Variants in UXS1 observed in about 807,000 individuals in gnomAD.
UXS1 encodes UDP-glucuronic acid decarboxylase 1.
UXS1 carries 33 observed loss-of-function variants against 62.6 expected under a neutral mutation model. That is an observed-to-expected ratio of 0.53 (90% CI 0.40 to 0.70). The LOEUF (loss-of-function observed/expected upper bound fraction) is 0.70, where lower values mean the gene tolerates loss of function less well. UXS1 is among the 30% of genes least tolerant of loss of function. The pLI, the probability that UXS1 is intolerant of heterozygous loss-of-function variation, is 0.00. For synonymous variants in UXS1, 213 were observed against 206.8 expected (o/e 1.03, Z -0.26); for missense variants, 434 against 556.3 (o/e 0.78, Z 2.21).
chr2:106,166,674 C>G (rs1254713861), intron 1 of UXS1, among the ~76,000 whole-genome samples: 1 of 142,560 alleles, frequency 7.0e-6, no homozygotes, highest in Non-Finnish European at 1.5e-5. Flanking sequence ...CTTTTGGGGT[C>G]TAGAGTTGGA....
intron 9 of UXS1, among the ~76,000 whole-genome samples, chr2:106,120,838 AG>A (rs1679464099): frequency 1.3e-5 from 2 of 152,242 alleles, no homozygotes; most frequent in Non-Finnish European, 2.9e-5. Context: ...GTGACTCCAT[AG>A]AAGGCGTATC....
At chr2:106,098,635 A>T in intron 13 of UXS1, 81 bp downstream of exon 13, 1 of 1,152,336 alleles carries the variant, frequency 8.7e-7, no homozygotes, top group Non-Finnish European at 1.3e-6. Context: ...TGTATTAATT[A>T]CCCACTTTCT....
chr2:106,124,191 A>T (rs1679745285), intron 8 of UXS1, among the ~76,000 whole-genome samples: 1 of 152,240 alleles, frequency 6.6e-6, no homozygotes, highest in Non-Finnish European at 1.5e-5. Context: ...AATGTACCAG[A>T]TGATTGATCC....
chr2:106,143,493 T>C (rs1436481633), intron 6 of UXS1, among the ~76,000 whole-genome samples: 2 of 143,502 alleles, frequency 1.4e-5, no homozygotes, highest in Non-Finnish European at 3.0e-5. Context: ...TGCTAAGTCC[T>C]CACAGTAGTT....
intron 3 of UXS1, 121 bp from the exon 4 acceptor site, chr2:106,163,831 C>T (rs1285359741): frequency 3.7e-6 from 2 of 533,468 alleles, no homozygotes; most frequent in Non-Finnish European, 6.2e-6. Context: ...AAATTAACTT[C>T]CAGTTTGAAA....
chr2:106,159,800 T>C (rs1388607484), intron 4 of UXS1, among the ~76,000 whole-genome samples: 1 of 152,170 alleles, frequency 6.6e-6, no homozygotes, highest in Non-Finnish European at 1.5e-5. Context: ...CAGAAGCCCC[T>C]GAAGCAGGGG....
At chr2:106,096,842 A>G (rs961943195) in intron 13 of UXS1, 21 bp from the exon 14 acceptor site, 2 of 1,560,240 alleles carry the variant, frequency 1.3e-6, no homozygotes, top group Non-Finnish European at 1.7e-6. Context: ...TAAAGAAAAA[A>G]AAGGTAGGAG....
At chr2:106,099,321 AT>A (rs1324648753) in intron 12 of UXS1, among the ~76,000 whole-genome samples, 3 of 152,086 alleles carry the variant, frequency 2.0e-5, no homozygotes, top group Non-Finnish European at 4.4e-5. Context: ...AAGGAAAACC[AT>A]TTGCTCTTTT....
At chr2:106,152,100 A>G (rs1466213463) in intron 5 of UXS1, among the ~76,000 whole-genome samples, 1 of 152,236 alleles carries the variant, frequency 6.6e-6, no homozygotes. Context: ...AAACAACCAT[A>G]AGTGGTCCAA....
chr2:106,158,758 A>T (rs933999758), intron 4 of UXS1, among the ~76,000 whole-genome samples: 7 of 152,178 alleles, frequency 4.6e-5, no homozygotes, highest in African/African-American at 1.7e-4. Context: ...GCTTTTCTAT[A>T]TGTTGCTTCC....
rs1255325139 is a variant in UXS1 at position 106,122,984 on chromosome 2, C to T, written c.745G>A (p.Ala249Thr). 5 of 1,613,872 alleles carry T rather than the reference C, an allele frequency of 3.1e-6. No individual in the cohort carries two copies. Among genetic ancestry groups the T allele is most frequent in the Non-Finnish European group, 3.4e-6 (4 of 1,179,804 alleles). Residue 249 changes from alanine to threonine, a missense_variant, in exon 9 of 15, where the codon GCC (alanine) becomes ACC (threonine). Physicochemically the swap from Ala to Thr is moderately conservative, Grantham distance 58. Coordinates refer to ENST00000283148, the MANE Select transcript of UXS1 (RefSeq NM_001253875.2). ...TGGTGAAATACCTGCTTCATGTAGG[C>T]ATAGCACATGGTCTCTGCAACACGT... ...GKRVAETMCY[A>T]YMKQEGVEVR...
chr2:106,145,110 G>T, intron 6 of UXS1, 80 bp downstream of exon 6: 1 of 1,486,424 alleles, frequency 6.7e-7, no homozygotes, highest in Non-Finnish European at 9.1e-7. Context: ...GAGTCAAACA[G>T]CTTACCCTCA....
chr2:106,110,501 G>A (rs1366951590), intron 10 of UXS1, among the ~76,000 whole-genome samples: 1 of 152,174 alleles, frequency 6.6e-6, no homozygotes, highest in Admixed American at 6.5e-5. Flanking sequence ...TTGCTAAAAA[G>A]GCACCAGGCT....
At chr2:106,111,498 G>T (rs893616492) in intron 10 of UXS1, among the ~76,000 whole-genome samples, 7 of 152,172 alleles carry the variant, frequency 4.6e-5, no homozygotes, top group African/African-American at 1.4e-4. Flanking sequence ...GTTGGTAGCG[G>T]AGCAGCCAAC....
chr2:106,106,093 G>A (rs546474340), intron 10 of UXS1, among the ~76,000 whole-genome samples: 31 of 152,282 alleles, frequency 2.0e-4, no homozygotes, highest in African/African-American at 7.0e-4. Flanking sequence ...GGCCTGGCGC[G>A]GTGGCTCAAG....
intron 10 of UXS1, among the ~76,000 whole-genome samples, chr2:106,109,980 T>C (rs536813093): frequency 3.3e-5 from 5 of 152,268 alleles, no homozygotes; most frequent in East Asian, 1.9e-4. Context: ...AAGCCGAGTG[T>C]TTCTAAAGAC....
intron 5 of UXS1, among the ~76,000 whole-genome samples, chr2:106,156,234 T>C (rs1038804680): frequency 6.6e-6 from 1 of 152,162 alleles, no homozygotes; most frequent in African/African-American, 2.4e-5. Context: ...TAATATCTAA[T>C]AGAAATTTCT....
Position 106,093,871 on chromosome 2 carries a change from G to T in UXS1, c.*155C>A. Reference sequence around the variant, plus strand: ...GCAGTTTTTTGAGGGGAGCTTTTAGGCACATCCATTTCATTAAAGCAAGCT... The same window carrying T: ...GCAGTTTTTTGAGGGGAGCTTTTAGTCACATCCATTTCATTAAAGCAAGCT... On this transcript the variant is annotated 3_prime_UTR_variant, in exon 15 of 15. Transcript: ENST00000283148. 1 of 1,068,218 alleles carries T rather than the reference G, an allele frequency of 9.4e-7. No homozygotes were observed. 66.2% of individuals were successfully genotyped at this position (1,068,218 alleles called of 1,614,324 possible).
intron 13 of UXS1, 131 bp from the exon 14 acceptor site, chr2:106,096,952 C>T (rs1398744760): frequency 1.1e-6 from 1 of 908,602 alleles, no homozygotes; most frequent in South Asian, 1.4e-5. Flanking sequence ...ATGCAGTTCT[C>T]TGAGAAGCCC....
Sources: allele counts gnomAD v4.1 joint callset (sites outside exome capture counted in the v4.1 genomes callset), GRCh38; gene constraint gnomAD v4.1.1; transcripts MANE v1.5; gene names NCBI Gene and HGNC (gene_info 2026-07-23, HGNC 2026-07-21).